The following NOS1AP variants were observed in gnomAD, a reference collection of about 807,000 sequenced individuals.
NOS1AP encodes the protein carboxyl-terminal PDZ ligand of neuronal nitric oxide synthase protein.
In NOS1AP, 21 loss-of-function variants were observed where a neutral mutation model predicts 56.2. The ratio of observed to expected loss-of-function variants is 0.37; its 90% CI spans 0.26 to 0.54. The LOEUF is 0.54. Among genes scored for constraint, NOS1AP ranks in the 20% least tolerant of loss-of-function variants. The probability of loss-of-function intolerance (pLI) is 0.84; values close to 1 mark genes in which losing one functional copy is unlikely to be tolerated. For missense variants in NOS1AP, 522 were observed against 657.8 expected, an observed-to-expected ratio of 0.79 and a Z score of 2.26; for synonymous variants, 270 against 274.6, an observed-to-expected ratio of 0.98 and a Z score of 0.17.
At chr1:162,190,031 T>TTAGA (rs1240060125) in intron 2 of NOS1AP, among the ~76,000 whole-genome samples, 1 of 152,228 alleles carries the variant, frequency 6.6e-6, no homozygotes, top group Non-Finnish European at 1.5e-5. Context: ...CGTGGAGACC[T>TTAGA]TCTAGGGCAT....
At chr1:162,303,177 G>T (rs557986286) in intron 4 of NOS1AP, among the ~76,000 whole-genome samples, 1 of 152,138 alleles carries the variant, frequency 6.6e-6, no homozygotes, top group Non-Finnish European at 1.5e-5. Context: ...AAGTCTTTGC[G>T]TGGACATATG....
intron 1 of NOS1AP, among the ~76,000 whole-genome samples, chr1:162,116,444 G>T (rs998911080): frequency 5.3e-5 from 8 of 152,048 alleles, no homozygotes; most frequent in African/African-American, 1.7e-4. Flanking sequence ...GTCTTTCTTG[G>T]GATCCATCAT....
At chr1:162,248,837 T>C (rs1653756909) in intron 2 of NOS1AP, among the ~76,000 whole-genome samples, 1 of 152,214 alleles carries the variant, frequency 6.6e-6, no homozygotes. Flanking sequence ...CATTAAAGTC[T>C]TCGGGGACCC....
At chr1:162,252,430 A>G (rs1206360206) in intron 2 of NOS1AP, among the ~76,000 whole-genome samples, 1 of 152,168 alleles carries the variant, frequency 6.6e-6, no homozygotes, top group Non-Finnish European at 1.5e-5. Flanking sequence ...ATGCACAGTT[A>G]TCTCTGCATG....
chr1:162,254,988 C>G (rs541199829), intron 2 of NOS1AP, among the ~76,000 whole-genome samples: 25 of 152,256 alleles, frequency 1.6e-4, no homozygotes, highest in South Asian at 1.2e-3. Context: ...TCTTTGTGGT[C>G]CATTTCAGTT....
In NOS1AP at chr1:162,343,946, G is replaced by A. The variant is rs1211897143; in HGVS notation, c.565G>A (p.Glu189Lys). 2.5e-6 allele frequency: 4 copies of A among 1,614,142 alleles called. No individual in the cohort carries two copies. The highest frequency in any genetic ancestry group is 1.7e-6 in the Non-Finnish European group (2 of 1,180,010). The change falls in exon 6 of 10, where the codon GAG becomes AAG. Residue 189 changes from glutamate to lysine, a missense_variant. Coordinates refer to ENST00000361897, the MANE Select transcript of NOS1AP (RefSeq NM_014697.3). ...AGATGGCCAGGAAGATGGAGAGAGC[G>A]AGAGGAACAGCAACAGCTCAGGAGA... ...NADGQEDGES[E>K]RNSNSSGDPG...
intron 1 of NOS1AP, among the ~76,000 whole-genome samples, chr1:162,129,032 T>G (rs890251851): frequency 3.9e-5 from 6 of 152,188 alleles, no homozygotes; most frequent in African/African-American, 1.4e-4. Flanking sequence ...AGACAGGGAT[T>G]TGAAGTAATA....
At chr1:162,215,875 C>T (rs902025400) in intron 2 of NOS1AP, among the ~76,000 whole-genome samples, 1 of 152,218 alleles carries the variant, frequency 6.6e-6, no homozygotes, top group Non-Finnish European at 1.5e-5. Flanking sequence ...CATGATCTTA[C>T]CATGCTTCTT....
chr1:162,097,406 A>C (rs1300211867), intron 1 of NOS1AP, among the ~76,000 whole-genome samples: 1 of 152,148 alleles, frequency 6.6e-6, no homozygotes, highest in Non-Finnish European at 1.5e-5. Flanking sequence ...TTAAATGTAA[A>C]ATGTATATCT....
At chr1:162,325,337 G>C (rs763502258) in intron 4 of NOS1AP, among the ~76,000 whole-genome samples, 1 of 152,172 alleles carries the variant, frequency 6.6e-6, no homozygotes, top group Non-Finnish European at 1.5e-5. Context: ...CGACAGGAGT[G>C]TGAAACTGTG....
intron 1 of NOS1AP, among the ~76,000 whole-genome samples, chr1:162,136,098 T>C (rs1648990385): frequency 6.6e-6 from 1 of 152,188 alleles, no homozygotes; most frequent in Admixed American, 6.5e-5. Flanking sequence ...CAACAAATGC[T>C]GTACATCATT....
At chr1:162,120,834 C>T (rs1171893808) in intron 1 of NOS1AP, among the ~76,000 whole-genome samples, 6 of 152,192 alleles carry the variant, frequency 3.9e-5, no homozygotes, top group Admixed American at 3.9e-4. Flanking sequence ...TACCTTTTAA[C>T]ATATCCTTCT....
chr1:162,150,727 T>C (rs1011986652), intron 1 of NOS1AP, among the ~76,000 whole-genome samples: 3 of 152,230 alleles, frequency 2.0e-5, no homozygotes, highest in African/African-American at 4.8e-5. Flanking sequence ...GAGCACCTTT[T>C]TATGTACCTG....
intron 1 of NOS1AP, among the ~76,000 whole-genome samples, chr1:162,086,311 G>A (rs1692001187): frequency 6.6e-6 from 1 of 152,142 alleles, no homozygotes; most frequent in Non-Finnish European, 1.5e-5. Context: ...ATCCTGTACT[G>A]CAGGCACGAG....
chr1:162,079,755 T>C (rs1054014681), intron 1 of NOS1AP, among the ~76,000 whole-genome samples: 6 of 152,212 alleles, frequency 3.9e-5, no homozygotes, highest in Non-Finnish European at 4.4e-5. Context: ...CTGTGCATGG[T>C]TTTAATCTAT....
intron 4 of NOS1AP, among the ~76,000 whole-genome samples, chr1:162,321,669 GTAACAAACC>G: frequency 6.7e-6 from 1 of 149,098 alleles, no homozygotes; most frequent in South Asian, 2.1e-4. Flanking sequence ...GTATACATAT[GTAACAAACC>G]TGCACGTTGT....
At chr1:162,242,466 C>T (rs979914882) in intron 2 of NOS1AP, among the ~76,000 whole-genome samples, 1 of 152,192 alleles carries the variant, frequency 6.6e-6, no homozygotes, top group African/African-American at 2.4e-5. Flanking sequence ...CGTGTAGGCA[C>T]TCTGGTGACA....
intron 2 of NOS1AP, among the ~76,000 whole-genome samples, chr1:162,164,667 G>A (rs6427655): frequency 6.6e-6 from 1 of 152,230 alleles, no homozygotes. Context: ...TAAGGTACAT[G>A]CATGCTGTGG....
intron 2 of NOS1AP, among the ~76,000 whole-genome samples, chr1:162,255,557 T>C (rs915458557): frequency 7.3e-6 from 1 of 137,820 alleles, no homozygotes; most frequent in African/African-American, 2.6e-5. Flanking sequence ...CTCTGAGCTA[T>C]CCACATTCTC....
Sources: gnomAD v4.1 joint callset for allele counts (sites outside exome capture counted in the v4.1 genomes callset) on GRCh38, gnomAD v4.1.1 for gene constraint, MANE v1.5 for transcripts, NCBI Gene and HGNC (gene_info 2026-07-23, HGNC 2026-07-21) for gene names.